Variants in TENM2 observed in about 807,000 individuals in gnomAD.
TENM2 encodes teneurin transmembrane protein 2.
A neutral mutation model predicts 245.2 loss-of-function variants in TENM2; 52 were observed. The ratio of observed to expected loss-of-function variants is 0.21; its 90% CI spans 0.17 to 0.27. TENM2 has a LOEUF of 0.27. Ranked by LOEUF, TENM2 falls within the 10% of genes least tolerant of loss-of-function variation. The probability of loss-of-function intolerance (pLI) is 1.00; values close to 1 mark genes in which losing one functional copy is unlikely to be tolerated. For missense variants in TENM2, 3,046 were observed against 3,666.8 expected (o/e 0.83, Z 4.37); for synonymous variants, 1,363 against 1,438.9 (o/e 0.95, Z 1.19).
intron 2 of TENM2, among the ~76,000 whole-genome samples, chr5:167,561,775 A>G (rs895645811): frequency 1.9e-4 from 29 of 152,178 alleles, no homozygotes; most frequent in Non-Finnish European, 2.4e-4. Flanking sequence ...CCACATTTAC[A>G]TCTTTTGTAA....
Position 167,438,819 on chromosome 5 carries a change from C to CCTTCG in TENM2, c.502+63349_502+63353dup, listed in dbSNP as rs1315543465. Among the ~76,000 whole-genome samples, 56 of 151,394 alleles carry CCTTCG rather than the reference C, an allele frequency of 3.7e-4. 2 individuals carry two copies. The highest frequency in any genetic ancestry group is 6.6e-5 in the Admixed American group (1 of 15,194). On this transcript the variant is annotated intron_variant, in intron 2 of 28. Transcript: ENST00000518659. The stretch of plus-strand genomic sequence containing the variant: ...TTGATAGTTTGCTTTTTGAGACGGA[C>CCTTCG]CTTCGCTCTTGTCACCCAGACTGGA...
At chr5:167,095,818 T>C in the TENM2 span, among the ~76,000 whole-genome samples, 3 of 150,276 alleles carry the variant, frequency 2.0e-5, no homozygotes, top group African/African-American at 7.4e-5. Context: ...TTGTCCAGAC[T>C]GGAGTGCAAT....
intron 3 of TENM2, among the ~76,000 whole-genome samples, chr5:167,878,033 C>G (rs58669315): frequency 0.24 from 36,646 of 152,052 alleles, 5,897 homozygotes; most frequent in East Asian, 0.74. Flanking sequence ...AAACTATATC[C>G]TTTTATGCAT....
intron 13 of TENM2, among the ~76,000 whole-genome samples, chr5:168,179,420 A>G (rs551494631): frequency 6.6e-6 from 1 of 152,314 alleles, no homozygotes; most frequent in South Asian, 2.1e-4. Flanking sequence ...ACTTAAGTCA[A>G]AAGTGTGAAC....
chr5:167,676,372 A>C (rs1187942184), intron 2 of TENM2, among the ~76,000 whole-genome samples: 9 of 152,104 alleles, frequency 5.9e-5, no homozygotes, highest in Non-Finnish European at 1.0e-4. Flanking sequence ...TCAAAACGCA[A>C]GATGTGGTTC....
At chr5:167,420,620 G>A (rs770264249) in intron 2 of TENM2, among the ~76,000 whole-genome samples, 4 of 152,048 alleles carry the variant, frequency 2.6e-5, no homozygotes, top group African/African-American at 4.8e-5. Context: ...GTCTAATGTT[G>A]TCTCCTTCAA....
At chr5:167,117,502 CA>C in the TENM2 span, among the ~76,000 whole-genome samples, 1 of 148,804 alleles carries the variant, frequency 6.7e-6, no homozygotes, top group Non-Finnish European at 1.5e-5. Flanking sequence ...GACTCCATCT[CA>C]AAAAAAAATA....
chr5:168,220,681 A>G (rs1255296188), intron 23 of TENM2, among the ~76,000 whole-genome samples: 1 of 152,168 alleles, frequency 6.6e-6, no homozygotes, highest in Non-Finnish European at 1.5e-5. Context: ...TGGAAGACAC[A>G]CAGCCAACTT....
In TENM2 at chr5:168,182,044, G is replaced by A. The variant is rs184838067; in HGVS notation, c.2570-8293G>A. 1.9e-3 allele frequency among the ~76,000 whole-genome samples: 288 copies of A among 152,290 alleles called. 1 individual carries two copies. Among genetic ancestry groups the A allele is most frequent in the African/African-American group, 6.7e-3 (279 of 41,562 alleles). On this transcript the variant is annotated intron_variant, in intron 13 of 28. Coordinates refer to ENST00000518659, the Ensembl canonical transcript of TENM2. ...TGCAGGGAAGGAGGATGCCTGAGGA[G>A]CGACGGTTCATCAGGCAGCCAGGGT...
At chr5:167,316,461 A>G (rs1277793744) in intron 1 of TENM2, among the ~76,000 whole-genome samples, 5 of 152,198 alleles carry the variant, frequency 3.3e-5, no homozygotes, top group African/African-American at 1.2e-4. Flanking sequence ...TTGTAATCAT[A>G]TCTGCCTAAG....
At chr5:168,059,178 A>T (rs1042301467) in intron 6 of TENM2, among the ~76,000 whole-genome samples, 2 of 152,282 alleles carry the variant, frequency 1.3e-5, no homozygotes, top group African/African-American at 4.8e-5. Context: ...CCAGGGTGTA[A>T]TAAGGAAGAG....
chr5:167,043,592 T>C, the TENM2 span, among the ~76,000 whole-genome samples: 1 of 152,146 alleles, frequency 6.6e-6, no homozygotes, highest in South Asian at 2.1e-4. Flanking sequence ...GGGGCAAGTG[T>C]TGAGAGACAG....
intron 2 of TENM2, among the ~76,000 whole-genome samples, chr5:167,815,612 A>G (rs1363854200): frequency 6.6e-6 from 1 of 152,154 alleles, no homozygotes; most frequent in Non-Finnish European, 1.5e-5. Context: ...TTTTGGTTCT[A>G]TCCACAACAG....
At chr5:167,302,620 G>C (rs978993372) in intron 1 of TENM2, among the ~76,000 whole-genome samples, 1 of 151,900 alleles carries the variant, frequency 6.6e-6, no homozygotes, top group African/African-American at 2.4e-5. Flanking sequence ...AAAGGATCAG[G>C]GTGCAGAGAT....
chr5:167,398,950 T>C (rs72829335), intron 2 of TENM2, among the ~76,000 whole-genome samples: 4,854 of 152,296 alleles, frequency 0.032, 107 homozygotes, highest in Non-Finnish European at 0.046. Context: ...ATGCAAATGA[T>C]TAAATGTGAT....
chr5:167,379,346 A>T (rs552922351), intron 2 of TENM2, among the ~76,000 whole-genome samples: 40 of 152,274 alleles, frequency 2.6e-4, no homozygotes, highest in African/African-American at 9.1e-4. Flanking sequence ...CTGCTTGTTA[A>T]CTGAGACATG....
intron 3 of TENM2, among the ~76,000 whole-genome samples, chr5:167,911,328 CA>C (rs1776529342): frequency 6.6e-6 from 1 of 152,102 alleles, no homozygotes; most frequent in African/African-American, 2.4e-5. Flanking sequence ...AGATCGAGAC[CA>C]ACCTGGCTAA....
chr5:168,102,445 GC>G, intron 9 of TENM2, among the ~76,000 whole-genome samples: 1 of 152,120 alleles, frequency 6.6e-6, no homozygotes, highest in Non-Finnish European at 1.5e-5. Flanking sequence ...AAATGTTAGC[GC>G]CCCCATTAAC....
chr5:167,862,314 T>A (rs1583215654), intron 2 of TENM2, among the ~76,000 whole-genome samples: 1 of 152,246 alleles, frequency 6.6e-6, no homozygotes, highest in East Asian at 1.9e-4. Context: ...TAACAGCAAC[T>A]TGTTGGGAGC....
Sources: allele counts gnomAD v4.1 joint callset (sites outside exome capture counted in the v4.1 genomes callset), GRCh38; gene constraint gnomAD v4.1.1; transcripts MANE v1.5; gene names NCBI Gene and HGNC (gene_info 2026-07-23, HGNC 2026-07-21).